MKLN1: variants seen among roughly 807,000 people sequenced by gnomAD.
The protein encoded by MKLN1 is muskelin 1, also known as muskelin.
A neutral mutation model predicts 99.0 loss-of-function variants in MKLN1; 18 were observed. That is an observed-to-expected ratio of 0.18 (90% CI 0.13 to 0.27). The LOEUF (loss-of-function observed/expected upper bound fraction) is 0.27, where lower values mean the gene tolerates loss of function less well. MKLN1 is among the 10% of genes least tolerant of loss of function. The pLI is 1.00. For synonymous variants in MKLN1, 288 were observed against 293.2 expected (o/e 0.98, Z 0.18); for missense variants, 621 against 875.9 (o/e 0.71, Z 3.67).
intron 1 of MKLN1, among the ~76,000 whole-genome samples, chr7:131,374,053 C>T (rs1793557824): frequency 6.6e-6 from 1 of 152,142 alleles, no homozygotes; most frequent in Non-Finnish European, 1.5e-5. Context: ...TATTTTACCA[C>T]TTAAATTTTT....
At position 131,437,944 on chromosome 7, in the gene MKLN1, C is replaced by T; in HGVS notation, c.1120C>T (p.Leu374=). ...YDIDTNTWML[L]SEDTAADGGP... ...CATTGATACAAACACATGGATGTTA[C>T]TAAGTGAGGATACTGCTGCTGATGG... Residue 374 remains leucine, a synonymous_variant, in exon 10 of 18, where the codon CTA becomes TTA. Transcript: ENST00000352689. The T allele has an allele frequency of 6.2e-7, 1 of 1,613,906 alleles. No individual in the cohort carries two copies.
At chr7:131,137,012 A>AT (rs978156903) in intron 1 of MKLN1, among the ~76,000 whole-genome samples, 3 of 151,796 alleles carry the variant, frequency 2.0e-5, no homozygotes, top group African/African-American at 4.8e-5. Flanking sequence ...TTCCTAGGTT[A>AT]TTTTTTTGCA....
chr7:131,192,992 T>G (rs1796590175), intron 2 of MKLN1, among the ~76,000 whole-genome samples: 1 of 152,156 alleles, frequency 6.6e-6, no homozygotes, highest in African/African-American at 2.4e-5. Context: ...TTGAAATCAG[T>G]GTAACAAGCA....
At chr7:131,405,451 C>T (rs988751917) in intron 6 of MKLN1, among the ~76,000 whole-genome samples, 11 of 152,040 alleles carry the variant, frequency 7.2e-5, no homozygotes, top group African/African-American at 2.4e-4. Flanking sequence ...TTTCCTGTGT[C>T]CTTGACTTAT....
At chr7:131,165,127 G>A (rs1033611803) in intron 2 of MKLN1, among the ~76,000 whole-genome samples, 1 of 152,098 alleles carries the variant, frequency 6.6e-6, no homozygotes, top group Non-Finnish European at 1.5e-5. Context: ...TGGGATCCCG[G>A]AAGTGTGGGT....
At chr7:131,331,011 ATATACTCT>A (rs1027957370) in intron 1 of MKLN1, among the ~76,000 whole-genome samples, 4 of 152,192 alleles carry the variant, frequency 2.6e-5, no homozygotes, top group African/African-American at 9.6e-5. Context: ...ATAAAATTAC[ATATACTCT>A]TATACATAAA....
At chr7:131,398,429 C>A (rs1794424774) in intron 5 of MKLN1, among the ~76,000 whole-genome samples, 1 of 152,088 alleles carries the variant, frequency 6.6e-6, no homozygotes, top group Admixed American at 6.5e-5. Flanking sequence ...CGCAGTGGCT[C>A]ACACCTGTAA....
intron 3 of MKLN1, among the ~76,000 whole-genome samples, chr7:131,301,504 T>C (rs1215903307): frequency 6.6e-6 from 1 of 152,192 alleles, no homozygotes; most frequent in African/African-American, 2.4e-5. Context: ...CTGAACTTGA[T>C]TTTAACATTA....
At chr7:131,124,730 C>G (rs7778164) in intron 1 of MKLN1, among the ~76,000 whole-genome samples, 6 of 152,080 alleles carry the variant, frequency 3.9e-5, no homozygotes, top group Non-Finnish European at 4.4e-5. Context: ...GGTCCCTTGT[C>G]TTGAACCCCA....
At chr7:131,388,294 A>T (rs747891519) in intron 3 of MKLN1, among the ~76,000 whole-genome samples, 2 of 152,248 alleles carry the variant, frequency 1.3e-5, no homozygotes, top group Non-Finnish European at 1.5e-5. Flanking sequence ...ATGTAAAGCA[A>T]CCTGAGGGTG....
chr7:131,188,971 G>T (rs1215246432), intron 2 of MKLN1, among the ~76,000 whole-genome samples: 3 of 152,188 alleles, frequency 2.0e-5, no homozygotes, highest in Admixed American at 2.0e-4. Flanking sequence ...GGGGTGGAAA[G>T]AAGTCTGTTG....
intron 12 of MKLN1, among the ~76,000 whole-genome samples, chr7:131,446,841 A>C (rs1584752653): frequency 6.6e-6 from 1 of 152,232 alleles, no homozygotes; most frequent in Non-Finnish European, 1.5e-5. Context: ...AGAGACGGAC[A>C]TGGGAGGATT....
intron 2 of MKLN1, among the ~76,000 whole-genome samples, chr7:131,193,561 A>G (rs1362320386): frequency 6.6e-6 from 1 of 152,010 alleles, no homozygotes; most frequent in Non-Finnish European, 1.5e-5. Flanking sequence ...ATTTTAGTAG[A>G]GATGAGGTTT....
In MKLN1 at chr7:131,375,505, T is replaced by C. The variant is rs759824169; in HGVS notation, c.168+12T>C. On this transcript the variant is annotated intron_variant, in intron 2 of 17. Transcript: ENST00000352689. ...ACTATCCTCCCCAGGTAAGATTACA[T>C]GTATCCCTTAATGCTGTTTAGAAGT... is the stretch of plus-strand genomic sequence containing the variant. The C allele has an allele frequency of 1.9e-6, 3 of 1,554,632 alleles. 1 individual carries two copies. In the South Asian group the frequency reaches 3.3e-5, roughly 17 times the overall value.
At chr7:131,365,843 C>T (rs1008832072) in intron 1 of MKLN1, among the ~76,000 whole-genome samples, 3 of 151,772 alleles carry the variant, frequency 2.0e-5, no homozygotes, top group Non-Finnish European at 4.4e-5. Context: ...CTTTGTGATC[C>T]CCTTGGCCAC....
chr7:131,135,386 C>A (rs1795634073), intron 1 of MKLN1, among the ~76,000 whole-genome samples: 1 of 152,188 alleles, frequency 6.6e-6, no homozygotes, highest in Non-Finnish European at 1.5e-5. Flanking sequence ...TCCCAAAGTG[C>A]TGGGATTACA....
At chr7:131,317,427 G>A (rs1278605310) in intron 3 of MKLN1, among the ~76,000 whole-genome samples, 1 of 152,090 alleles carries the variant, frequency 6.6e-6, no homozygotes, top group Admixed American at 6.6e-5. Context: ...TCACCACCAG[G>A]CTGGTCTTAC....
chr7:131,443,983 C>T (rs1226018761), intron 11 of MKLN1, among the ~76,000 whole-genome samples: 1 of 152,150 alleles, frequency 6.6e-6, no homozygotes, highest in Non-Finnish European at 1.5e-5. Flanking sequence ...TGCCTTTCCA[C>T]TTACGTCTCT....
chr7:131,247,493 C>T (rs1017416448), intron 3 of MKLN1, among the ~76,000 whole-genome samples: 4 of 152,090 alleles, frequency 2.6e-5, no homozygotes, highest in African/African-American at 7.2e-5. Flanking sequence ...GGATTACAGA[C>T]GTGAGCCACC....
Sources: gnomAD v4.1 joint callset for allele counts (sites outside exome capture counted in the v4.1 genomes callset) on GRCh38, gnomAD v4.1.1 for gene constraint, MANE v1.5 for transcripts, NCBI Gene and HGNC (gene_info 2026-07-23, HGNC 2026-07-21) for gene names.